Variants in PGM3 observed in about 807,000 individuals in gnomAD.
PGM3 encodes phosphoacetylglucosamine mutase.
In PGM3, 40 loss-of-function variants were observed where a neutral mutation model predicts 66.2. The ratio of observed to expected loss-of-function variants is 0.60; its 90% CI spans 0.47 to 0.79. The LOEUF is 0.79. Ranked by LOEUF, PGM3 falls within the 30% of genes least tolerant of loss-of-function variation. PGM3 has a pLI of 0.00. For missense variants in PGM3, 537 were observed against 643.4 expected, an observed-to-expected ratio of 0.83 and a Z score of 1.79; for synonymous variants, 191 against 224.2, an observed-to-expected ratio of 0.85 and a Z score of 1.32.
chr6:83,159,897 C>G, downstream of PGM3: 1 of 1,614,108 alleles, frequency 6.2e-7, no homozygotes, highest in Non-Finnish European at 8.5e-7. Context: ...CTCTATCTCT[C>G]TGCTTGCAAA....
intron 3 of PGM3, 134 bp from the exon 4 acceptor site, chr6:83,187,209 T>C: frequency 1.8e-6 from 1 of 550,118 alleles, no homozygotes; most frequent in South Asian, 2.7e-5. Flanking sequence ...CTGAAAGCTA[T>C]GAACTCTCAA....
intron 10 of PGM3, among the ~76,000 whole-genome samples, chr6:83,172,729 G>A (rs947873362): frequency 1.3e-5 from 2 of 152,058 alleles, no homozygotes; most frequent in African/African-American, 2.4e-5. Flanking sequence ...GCATCCCCAA[G>A]GGAAAAAGAC....
the PGM3 span, among the ~76,000 whole-genome samples, chr6:83,149,724 G>A: frequency 6.6e-6 from 1 of 152,130 alleles, no homozygotes; most frequent in Non-Finnish European, 1.5e-5. Flanking sequence ...CAAGTGGGAA[G>A]TGTGGGGATG....
the PGM3 span, chr6:83,151,729 A>G: frequency 6.6e-7 from 1 of 1,506,274 alleles, no homozygotes. Flanking sequence ...AGAGAGTCAA[A>G]TAAAATAAAC....
intron 4 of PGM3, among the ~76,000 whole-genome samples, chr6:83,183,463 C>T (rs1788342883): frequency 6.6e-6 from 1 of 151,906 alleles, no homozygotes; most frequent in African/African-American, 2.4e-5. Flanking sequence ...GTTTTCAGAG[C>T]AAAAAAAGCC....
In PGM3 at chr6:83,165,680, G is replaced by GT. The variant is rs946183583; in HGVS notation, c.*3553dup. The stretch of plus-strand genomic sequence containing the variant: ...AAACGTTGCTGAGATGCCTAAAGAA[G>GT]TGGTAGTTTGTTGGCAAGAGGTCAG... On this transcript the variant is annotated 3_prime_UTR_variant, in exon 13 of 13. Coordinates refer to ENST00000513973, the MANE Select transcript of PGM3 (RefSeq NM_015599.3). 4.7e-6 allele frequency: 1 copy of GT among 215,038 alleles called. No individual in the cohort carries two copies. Among genetic ancestry groups the GT allele is most frequent in the Non-Finnish European group, 9.9e-6 (1 of 100,898 alleles). The allele number at this position is 215,038 out of a possible 1,614,324, so 13.3% of individuals were successfully genotyped here.
chr6:83,149,349 T>C, the PGM3 span, among the ~76,000 whole-genome samples: 3 of 152,198 alleles, frequency 2.0e-5, no homozygotes, highest in Non-Finnish European at 2.9e-5. Context: ...TCATAGTCAG[T>C]CTCTCTTTCT....
intron 1 of PGM3, among the ~76,000 whole-genome samples, chr6:83,191,891 A>AGGAGAATCGCTTGAACCCGCGGGTG (rs1431921303): frequency 4.3e-4 from 62 of 143,370 alleles, no homozygotes; most frequent in African/African-American, 1.6e-3. Context: ...CTCGGGAGGC[A>AGGAGAATCGCTTGAACCCGCGGGTG]GAGGTTGCAG....
chr6:83,161,215 T>C (rs2128415754), downstream of PGM3: 1 of 152,236 alleles, frequency 6.6e-6, no homozygotes, highest in African/African-American at 2.4e-5. Flanking sequence ...CCAAAATCAG[T>C]TTATCCTCTT....
intron 5 of PGM3, among the ~76,000 whole-genome samples, chr6:83,182,385 G>T (rs1788238821): frequency 6.6e-6 from 1 of 152,148 alleles, no homozygotes; most frequent in Non-Finnish European, 1.5e-5. Flanking sequence ...TTCTATGAGA[G>T]CAAGGGCTTT....
In PGM3 at chr6:83,182,859, C is replaced by T; in HGVS notation, c.577G>A (p.Glu193Lys). The T allele has an allele frequency of 6.2e-7, 1 of 1,613,774 alleles. No homozygotes were observed. ...AAACTTTTCACCTGTTTGGTGAGTT[C>T]CACAAAAGCCTTAGAGAGTTTCTGG... ...YYQKLSKAFVELTKQASCSGD... is the reference protein window; with the variant it reads ...YYQKLSKAFVKLTKQASCSGD... Residue 193 changes from glutamate to lysine, a missense_variant, in exon 5 of 13, where the codon GAA becomes AAA. Physicochemically the swap from Glu to Lys is moderately conservative, Grantham distance 56. Coordinates refer to ENST00000513973, the MANE Select transcript of PGM3 (RefSeq NM_015599.3).
intron 11 of PGM3, chr6:83,171,322 A>G (rs1373174913): frequency 6.6e-6 from 1 of 152,072 alleles, no homozygotes; most frequent in Non-Finnish European, 1.5e-5. Flanking sequence ...TCTATTTTTA[A>G]TTTTCCATAA....
chr6:83,174,358 C>A lies in PGM3; in HGVS notation c.1242+16G>T, dbSNP rs1787590626. 8.0e-7 allele frequency: 1 copy of A among 1,249,952 alleles called. No individual in the cohort carries two copies. The highest frequency in any genetic ancestry group is 1.5e-5 in the African/African-American group (1 of 67,468). 77.4% of individuals were successfully genotyped at this position (1,249,952 alleles called of 1,614,324 possible). On this transcript the variant is annotated intron_variant, in intron 10 of 12. Coordinates refer to ENST00000513973, the MANE Select transcript of PGM3 (RefSeq NM_015599.3). ...TGTAAAGGTAACCAAGAGTCCACTG[C>A]CCCATCAGTTCTGACCTGGTTAAAC...
At position 83,165,046 on chromosome 6, in the gene PGM3, T is replaced by C. The variant is rs1419552926; in HGVS notation, c.*4188A>G. On this transcript the variant is annotated 3_prime_UTR_variant, in exon 13 of 13. Transcript: ENST00000513973. ...GAAACAAAAGGTTACCCCATAGTTC[T>C]CTTACATTTGGAAGTTAGCTATATA... 1 of 233,730 alleles carries C rather than the reference T, an allele frequency of 4.3e-6. No individual in the cohort carries two copies. The highest frequency in any genetic ancestry group is 5.0e-5 in the Admixed American group (1 of 19,802). The allele number at this position is 233,730 out of a possible 1,614,324, so 14.5% of individuals were successfully genotyped here.
intron 8 of PGM3, among the ~76,000 whole-genome samples, chr6:83,177,989 C>G (rs941268504): frequency 9.2e-5 from 14 of 152,138 alleles, no homozygotes; most frequent in Non-Finnish European, 1.9e-4. Context: ...GGAGTTGAGC[C>G]CAATCTTTCT....
the PGM3 span, chr6:83,151,622 C>G: frequency 1.2e-6 from 2 of 1,608,618 alleles, no homozygotes; most frequent in Non-Finnish European, 1.7e-6. Context: ...ATGAAAAACC[C>G]TAGTTTGGAA....
At chr6:83,177,710 A>G (rs1423367095) in intron 8 of PGM3, among the ~76,000 whole-genome samples, 2 of 152,162 alleles carry the variant, frequency 1.3e-5, no homozygotes, top group Non-Finnish European at 2.9e-5. Context: ...CCCGATTTTA[A>G]TAAGAGTCAT....
chr6:83,159,613 AAAG>A, downstream of PGM3: 1 of 702,824 alleles, frequency 1.4e-6, no homozygotes, highest in Non-Finnish European at 2.4e-6. Context: ...TTGCATTCTC[AAAG>A]AAGAAAAGTG....
At chr6:83,179,259 C>A (rs1787999696) in intron 7 of PGM3, among the ~76,000 whole-genome samples, 1 of 150,812 alleles carries the variant, frequency 6.6e-6, no homozygotes, top group African/African-American at 2.4e-5. Context: ...TTGCAATGAG[C>A]CGAGATCACG....
Sources: gnomAD v4.1 joint callset for allele counts (sites outside exome capture counted in the v4.1 genomes callset) on GRCh38, gnomAD v4.1.1 for gene constraint, MANE v1.5 for transcripts, NCBI Gene and HGNC (gene_info 2026-07-23, HGNC 2026-07-21) for gene names.